Variants in KLK13 observed in about 807,000 individuals in gnomAD.
The protein encoded by KLK13 is kallikrein-13.
A neutral mutation model predicts 22.4 loss-of-function variants in KLK13; 19 were observed. The observed-to-expected ratio is 0.85, with a 90% CI of 0.59 to 1.24. The LOEUF (loss-of-function observed/expected upper bound fraction) is 1.24, where lower values mean the gene tolerates loss of function less well. Ranked by LOEUF, KLK13 falls within the 50% of genes most tolerant of loss-of-function variation. The probability of loss-of-function intolerance (pLI) is 0.00; values close to 1 mark genes in which losing one functional copy is unlikely to be tolerated. For synonymous variants in KLK13, 156 were observed against 141.8 expected (o/e 1.10, Z -0.71); for missense variants, 311 against 347.9 (o/e 0.89, Z 0.84).
rs1191153979 is a variant in KLK13, at chr19:51,059,878, G to T, written c.455C>A (p.Thr152Asn). The part of the protein sequence containing the change: ...TLPLSHNNRL[T>N]PGTTCRVSGW... ...AGACACCCGACAGGTGGTGCCAGGG[G>T]TTAGGCGGTTGTTGTGGGAAAGGGG... The change falls in exon 3 of 5, where the codon ACC becomes AAC. Residue 152 changes from threonine (T) to asparagine (N), a missense_variant. Physicochemically the swap from Thr to Asn is moderately conservative, Grantham distance 65 (BLOSUM62 0). Coordinates refer to ENST00000595793, the MANE Select transcript of KLK13 (RefSeq NM_015596.3). 54 of 1,604,554 alleles carry T rather than the reference G, an allele frequency of 3.4e-5. No homozygotes were observed. The highest frequency in any genetic ancestry group is 4.6e-5 in the Non-Finnish European group (54 of 1,175,028).
intron 2 of KLK13, 132 bp from the exon 3 acceptor site, chr19:51,060,225 C>T: frequency 8.4e-7 from 1 of 1,190,642 alleles, no homozygotes; most frequent in African/African-American, 1.5e-5. Context: ...AATACATCTC[C>T]CCCATCCTCA....
rs1295321663 is a variant in KLK13, at chr19:51,056,038, T to C, written c.*549A>G. ...AATATTCTGAGGATCCAATGTTAGC[T>C]GTGGTGAGTCACAGAGGTACACAGA... On this transcript the variant is annotated 3_prime_UTR_variant, in exon 5 of 5. Coordinates refer to ENST00000595793, the MANE Select transcript of KLK13 (RefSeq NM_015596.3). 6.6e-6 allele frequency among the ~76,000 whole-genome samples: 1 copy of C among 152,190 alleles called. No individual in the cohort carries two copies. Among genetic ancestry groups the C allele is most frequent in the Non-Finnish European group, 1.5e-5 (1 of 68,028 alleles).
intron 1 of KLK13, among the ~76,000 whole-genome samples, chr19:51,061,655 A>G (rs1035633859): frequency 6.6e-6 from 1 of 152,234 alleles, no homozygotes; most frequent in African/African-American, 2.4e-5. Flanking sequence ...TCTGTAGCCC[A>G]AATGACTACA....
rs2091676582 is a variant in KLK13 at position 51,056,565 on chromosome 19, A to G, written c.*22T>C. On this transcript the variant is annotated 3_prime_UTR_variant, in exon 5 of 5. Transcript: ENST00000595793. ...TGAGGAAGTCATGGTGACAGGATGG[A>G]AGCCGGTACATTTCTCAACTTTTAT... is the stretch of plus-strand genomic sequence containing the variant. 1 of 1,612,124 alleles carries G rather than the reference A, an allele frequency of 6.2e-7. No homozygotes were observed. Among genetic ancestry groups the G allele is most frequent in the African/African-American group, 1.3e-5 (1 of 74,902 alleles).
chr19:51,056,066 G>A lies in KLK13; in HGVS notation c.*521C>T, dbSNP rs1197966744. On this transcript the variant is annotated 3_prime_UTR_variant, in exon 5 of 5. Transcript: ENST00000595793. ...GGTGAGTCACAGAGGTACACAGAAT[G>A]TTGTCAGGGCAGAAGATTGTGGGCA... 6.5e-6 allele frequency: 1 copy of A among 152,680 alleles called. No homozygotes were observed. The highest frequency in any genetic ancestry group is 1.5e-5 in the Non-Finnish European group (1 of 68,442). The allele number at this position is 152,680 out of a possible 1,614,324, so 9.5% of individuals were successfully genotyped here.
At chr19:51,058,485 T>TC (rs35599656) in intron 4 of KLK13, 53 bp downstream of exon 4, 1 of 1,607,426 alleles carries the variant, frequency 6.2e-7, no homozygotes, top group South Asian at 1.1e-5. Flanking sequence ...ATCTGTCACT[T>TC]CCATTCTGGC....
At position 51,060,705 on chromosome 19, in the gene KLK13, G is replaced by T. The variant is rs942189800; in HGVS notation, c.53-86C>A. 5 of 1,126,620 alleles carry T rather than the reference G, an allele frequency of 4.4e-6. No homozygotes were observed. In the African/African-American group the frequency reaches 7.8e-5, roughly 17 times the overall value. 69.8% of individuals were successfully genotyped at this position (1,126,620 alleles called of 1,614,324 possible). ...TGTGGTTTCTGGGTTTGGGGTAAGG[G>T]TCGGATTATTGCCCTGGGTGACCAG... On this transcript the variant is annotated intron_variant, in intron 1 of 4. Transcript: ENST00000595793.
intron 1 of KLK13, among the ~76,000 whole-genome samples, chr19:51,061,228 T>C (rs866796208): frequency 7.7e-5 from 11 of 143,754 alleles, no homozygotes; most frequent in Middle Eastern, 3.6e-3. Flanking sequence ...CATCCATCCA[T>C]CCAATCCAAC....
chr19:51,060,078 G>A lies in KLK13; in HGVS notation c.255C>T (p.Tyr85=). 1 of 1,613,376 alleles carries A rather than the reference G, an allele frequency of 6.2e-7. No homozygotes were observed. Among genetic ancestry groups the A allele is most frequent in the Non-Finnish European group, 8.5e-7 (1 of 1,179,692 alleles). Residue 85 remains tyrosine, a synonymous_variant, in exon 3 of 5, where the codon TAC becomes TAT. Transcript: ENST00000595793. ...CACGCCCTAGGGCGTGCTTGCCTAG[G>A]TAAACTTTGAGCCCCCTGTGGGTGC... ...AHCLKEGLKV[Y]LGKHALGRVE... is the part of the protein sequence containing the mutation.
At chr19:51,058,076 G>C (rs71358807) in intron 4 of KLK13, among the ~76,000 whole-genome samples, 13,237 of 152,170 alleles carry the variant, frequency 0.087, 734 homozygotes, top group African/African-American at 0.16. Flanking sequence ...AAGCTGCTGG[G>C]GCCATCTTGT....
At chr19:51,060,704 G>T (rs1378522456) in intron 1 of KLK13, 85 bp from the exon 2 acceptor site, 4 of 1,147,680 alleles carry the variant, frequency 3.5e-6, no homozygotes, top group Non-Finnish European at 1.2e-6. Flanking sequence ...TTGGGGTAAG[G>T]GTCGGATTAT....
At chr19:51,059,796 G>A (rs1308555528) in intron 3 of KLK13, 29 bp downstream of exon 3, 1 of 1,547,978 alleles carries the variant, frequency 6.5e-7, no homozygotes, top group African/African-American at 1.4e-5. Context: ...ACTCCTATGG[G>A]GCCTCAGGCC....
At chr19:51,065,105 G>T, upstream of KLK13, 1 of 1,363,960 alleles carries the variant, frequency 7.3e-7, no homozygotes, top group Non-Finnish European at 1.0e-6. Context: ...GGCGGGCGGG[G>T]CCTGAGGAGA....
At position 51,060,480 on chromosome 19, in the gene KLK13, G is replaced by A. The variant is rs1599785877; in HGVS notation, c.192C>T (p.Val64=). 6.2e-7 allele frequency: 1 copy of A among 1,613,750 alleles called. No homozygotes were observed. The highest frequency in any genetic ancestry group is 8.5e-7 in the Non-Finnish European group (1 of 1,179,804). ...TGAGGACCCATTTGGGGTGGACCAG[G>A]ACTCCCCCACAGAGTAGCCGCCCTT... ...LVQGRLLCGG[V]LVHPKWVLTA... Residue 64 remains valine (V), a synonymous_variant, in exon 2 of 5, where the codon GTC becomes GTT. Coordinates refer to ENST00000595793, the MANE Select transcript of KLK13 (RefSeq NM_015596.3).
Position 51,057,427 on chromosome 19 carries a change from T to A in KLK13, c.646-652A>T, listed in dbSNP as rs2091685922. On this transcript the variant is annotated intron_variant, in intron 4 of 4. Coordinates refer to ENST00000595793, the MANE Select transcript of KLK13 (RefSeq NM_015596.3). ...AAAAAATTAAACATTCATTTTTAAA[T>A]TTTTATTTATTTATTTATTAGAGAC... 2.0e-5 allele frequency among the ~76,000 whole-genome samples: 3 copies of A among 152,158 alleles called. No individual in the cohort carries two copies. The South Asian group carries it at 6.2e-4, about 31-fold the overall frequency.
Position 51,056,747 on chromosome 19 carries a change from T to C in KLK13, c.674A>G (p.Asn225Ser). 6.2e-7 allele frequency: 1 copy of C among 1,613,944 alleles called. No homozygotes were observed. The highest frequency in any genetic ancestry group is 8.5e-7 in the Non-Finnish European group (1 of 1,179,972). The change falls in exon 5 of 5, where the codon AAC (asparagine) becomes AGC (serine). Residue 225 changes from asparagine (N) to serine (S), a missense_variant. Coordinates refer to ENST00000595793, the MANE Select transcript of KLK13 (RefSeq NM_015596.3). ...EGDSGGPLVC[N>S]RTLYGIVSWG... ...GGAGACGATGCCATACAGTGTTCTG[T>C]TACAGACCAGGGGGCCCCCAGAGTC... is the stretch of plus-strand genomic sequence containing the variant.
rs199561490 is a variant in KLK13, at chr19:51,060,120, G to C, written c.240-27C>G. ...TGTGGGTGCAGAAAGAAGGTGGTTAGGAAAGAAGATGAGCCCATTTCCATC... is the reference window on the plus strand; with the variant it reads ...TGTGGGTGCAGAAAGAAGGTGGTTACGAAAGAAGATGAGCCCATTTCCATC... On this transcript the variant is annotated intron_variant, in intron 2 of 4. Transcript: ENST00000595793. 3.5e-4 allele frequency: 558 copies of C among 1,610,820 alleles called. 1 individual carries two copies. Among genetic ancestry groups the C allele is most frequent in the Non-Finnish European group, 4.5e-4 (526 of 1,179,096 alleles).
chr19:51,064,486 TCAA>T (rs1336802787), intron 1 of KLK13: 1 of 186,612 alleles, frequency 5.4e-6, no homozygotes. Context: ...AGGTTCCATC[TCAA>T]AAAAAAAAAA....
intron 3 of KLK13, among the ~76,000 whole-genome samples, chr19:51,059,125 A>G (rs1370756033): frequency 6.6e-6 from 1 of 152,054 alleles, no homozygotes; most frequent in Non-Finnish European, 1.5e-5. Flanking sequence ...TACAAACATG[A>G]GGCTGGGAGA....
Sources: allele counts gnomAD v4.1 joint callset (sites outside exome capture counted in the v4.1 genomes callset), GRCh38; gene constraint gnomAD v4.1.1; transcripts MANE v1.5; gene names NCBI Gene and HGNC (gene_info 2026-07-23, HGNC 2026-07-21).